The following AKAP13 variants were observed in gnomAD, a reference collection of about 807,000 sequenced individuals.
AKAP13 encodes the protein A-kinase anchor protein 13.
In AKAP13, 80 loss-of-function variants were observed where a neutral mutation model predicts 264.5. The observed-to-expected ratio is 0.30, with a 90% CI of 0.25 to 0.36. The LOEUF is 0.36. Ranked by LOEUF, AKAP13 falls within the 10% of genes least tolerant of loss-of-function variation. The pLI, the probability that AKAP13 is intolerant of heterozygous loss-of-function variation, is 1.00. For missense variants in AKAP13, 3,712 were observed against 3,435.2 expected (o/e 1.08, Z -2.01); for synonymous variants, 1,380 against 1,250.2 (o/e 1.10, Z -2.19).
chr15:85,524,536 TTTTC>T (rs1397734043), intron 3 of AKAP13, among the ~76,000 whole-genome samples: 1 of 152,118 alleles, frequency 6.6e-6, no homozygotes, highest in African/African-American at 2.4e-5. Flanking sequence ...TGGCTCTGAT[TTTTC>T]TTTGAGTTCT....
chr15:85,402,511 G>A (rs540993640), intron 1 of AKAP13, among the ~76,000 whole-genome samples: 12 of 152,116 alleles, frequency 7.9e-5, no homozygotes, highest in Non-Finnish European at 1.8e-4. Flanking sequence ...TGACTGCTAG[G>A]CTGTGCTCTG....
intron 2 of AKAP13, among the ~76,000 whole-genome samples, chr15:85,514,839 A>AG (rs149455823): frequency 0.12 from 13,989 of 113,538 alleles, 2,733 homozygotes; most frequent in Middle Eastern, 0.24. Flanking sequence ...TGAGATTTTG[A>AG]GGGGTTTTTT....
At chr15:85,672,377 A>G (rs2083980166) in intron 14 of AKAP13, among the ~76,000 whole-genome samples, 1 of 152,274 alleles carries the variant, frequency 6.6e-6, no homozygotes. Flanking sequence ...TCTACACTAG[A>G]AACATAATAC....
At chr15:85,650,834 AAAAACTT>A (rs1424887899) in intron 10 of AKAP13, among the ~76,000 whole-genome samples, 1 of 150,614 alleles carries the variant, frequency 6.6e-6, no homozygotes, top group Non-Finnish European at 1.5e-5. Flanking sequence ...TGAAATTATT[AAAAACTT>A]AAAACTGTGA....
chr15:85,728,119 G>A lies in AKAP13; in HGVS notation c.7087+656G>A, dbSNP rs559756430. Among the ~76,000 whole-genome samples, 4 of 152,264 alleles carry A rather than the reference G, an allele frequency of 2.6e-5. No homozygotes were observed. The South Asian group carries it at 8.3e-4, about 32-fold the overall frequency. ...AGCCAGAATTCTATTCCCTGTCTTA[G>A]CAAAGCCTGGTACTCACGTATGTAG... On this transcript the variant is annotated intron_variant, in intron 29 of 36. Coordinates refer to ENST00000394518, the MANE Select transcript of AKAP13 (RefSeq NM_007200.5).
intron 17 of AKAP13, among the ~76,000 whole-genome samples, chr15:85,694,351 A>G (rs2085453095): frequency 6.6e-6 from 1 of 152,256 alleles, no homozygotes; most frequent in Admixed American, 6.5e-5. Flanking sequence ...GATAAAAAGT[A>G]TCTTAGGCAT....
intron 16 of AKAP13, among the ~76,000 whole-genome samples, chr15:85,690,904 A>G (rs1465992397): frequency 6.6e-6 from 1 of 152,234 alleles, no homozygotes; most frequent in East Asian, 1.9e-4. Flanking sequence ...CTTCAGATGT[A>G]AAATGGAGAT....
rs759038626 is a variant in AKAP13 at position 85,543,987 on chromosome 15, CTCA to C, written c.662+35_662+37del. The C allele has an allele frequency of 3.7e-6, 6 of 1,609,614 alleles. No individual in the cohort carries two copies. The African/African-American group carries it at 8.0e-5, about 22-fold the overall frequency. On this transcript the variant is annotated intron_variant, in intron 5 of 36. Coordinates refer to ENST00000394518, the MANE Select transcript of AKAP13 (RefSeq NM_007200.5). ...GCTCCTTCTGCCTTATTTCCCTCCT[CTCA>C]TCCCCAGCCCCACCCCCGATTCATA... is the stretch of plus-strand genomic sequence containing the variant.
chr15:85,452,672 C>T (rs2074134064), intron 1 of AKAP13, among the ~76,000 whole-genome samples: 2 of 152,028 alleles, frequency 1.3e-5, no homozygotes, highest in South Asian at 4.2e-4. Context: ...GGGGTATGAT[C>T]CAGCAGGTGG....
rs760497846 is a variant in AKAP13 at position 85,579,052 on chromosome 15, G to A, written c.984G>A (p.Gln328=). The change falls in exon 7 of 37, where the codon CAG becomes CAA. Residue 328 remains glutamine, a synonymous_variant. Coordinates refer to ENST00000394518, the MANE Select transcript of AKAP13 (RefSeq NM_007200.5). ...LPCAPEPTDP[Q]RLSSSEETES... ...GTGCACCGGAGCCCACGGACCCTCA[G>A]CGACTTTCTTCTTCTGAAGAGACTG... The A allele has an allele frequency of 3.1e-6, 5 of 1,614,030 alleles. No individual in the cohort carries two copies. Among genetic ancestry groups the A allele is most frequent in the Non-Finnish European group, 4.2e-6 (5 of 1,180,036 alleles).
intron 8 of AKAP13, among the ~76,000 whole-genome samples, chr15:85,634,122 A>T (rs2081977656): frequency 6.6e-6 from 1 of 152,180 alleles, no homozygotes; most frequent in Non-Finnish European, 1.5e-5. Context: ...TGTAATAGTA[A>T]AATAGCTGAA....
intron 17 of AKAP13, among the ~76,000 whole-genome samples, chr15:85,701,487 TGGAGTACAGTGGC>T: frequency 6.6e-6 from 1 of 152,318 alleles, no homozygotes; most frequent in East Asian, 1.9e-4. Context: ...TCACCTAGGC[TGGAGTACAGTGGC>T]GCAATCTCGG....
Position 85,581,431 on chromosome 15 carries a change from G to C in AKAP13, c.3363G>C (p.Leu1121Phe). 4 of 1,614,222 alleles carry C rather than the reference G, an allele frequency of 2.5e-6. No homozygotes were observed. In the South Asian group the frequency reaches 3.3e-5, roughly 13 times the overall value. The change falls in exon 7 of 37, where the codon TTG becomes TTC. Residue 1121 changes from leucine to phenylalanine, a missense_variant. Leu to Phe is a conservative substitution (Grantham distance 22). Around this residue, in one of 3 missense-constraint regions of AKAP13, gnomAD observed 2,759 missense variants for 2,411.7 expected, o/e 1.14. Coordinates refer to ENST00000394518, the MANE Select transcript of AKAP13 (RefSeq NM_007200.5). ...NTQDILIPNV[L>F]LSQEKNAVLG... ...AAGACATCCTGATTCCAAACGTCTT[G>C]TTGAGCCAAGAGAAGAATGCCGTTC...
rs1178054755 is a variant in AKAP13, at chr15:85,613,690, AAAT to A, written c.4162-25682_4162-25680del. On this transcript the variant is annotated intron_variant, in intron 8 of 36. Transcript: ENST00000394518. ...AGCCAGACTCCGTCTAAAAAAAAAA[AAAT>A]ATATATATATATATATATATTAGGA... Among the ~76,000 whole-genome samples the A allele has an allele frequency of 3.1e-3, 285 of 92,786 alleles. 7 individuals carry two copies. The South Asian group carries it at 0.039, about 13-fold the overall frequency. The allele number at this position is 92,786 out of a possible 152,430, so 60.9% of individuals were successfully genotyped here.
intron 4 of AKAP13, among the ~76,000 whole-genome samples, chr15:85,541,828 C>G (rs553352545): frequency 1.4e-4 from 22 of 152,322 alleles, no homozygotes; most frequent in African/African-American, 5.1e-4. Flanking sequence ...AAAGGGTCTA[C>G]ACAAAAGCAG....
chr15:85,410,052 A>G (rs892678925), intron 1 of AKAP13, among the ~76,000 whole-genome samples: 2 of 151,722 alleles, frequency 1.3e-5, no homozygotes, highest in African/African-American at 2.4e-5. Context: ...GAGGAGTATG[A>G]TATAATTTTA....
chr15:85,418,356 AC>A (rs2072343817), intron 1 of AKAP13, among the ~76,000 whole-genome samples: 1 of 152,188 alleles, frequency 6.6e-6, no homozygotes, highest in South Asian at 2.1e-4. Context: ...TGCTGGGATT[AC>A]AGGGGTGAGC....
At chr15:85,489,389 T>C (rs1258576630) in intron 2 of AKAP13, among the ~76,000 whole-genome samples, 1 of 152,228 alleles carries the variant, frequency 6.6e-6, no homozygotes, top group Non-Finnish European at 1.5e-5. Context: ...TAATACTTAA[T>C]GGGGCAATAT....
At chr15:85,660,485 T>C in intron 12 of AKAP13, among the ~76,000 whole-genome samples, 1 of 151,618 alleles carries the variant, frequency 6.6e-6, no homozygotes, top group Non-Finnish European at 1.5e-5. Flanking sequence ...TAAAGGAACA[T>C]TTAAATCTGT....
Sources: gnomAD v4.1 joint callset for allele counts (sites outside exome capture counted in the v4.1 genomes callset) on GRCh38, gnomAD v4.1.1 for gene constraint, gnomAD v4.1.1 regional missense constraint, MANE v1.5 for transcripts, NCBI Gene and HGNC (gene_info 2026-07-23, HGNC 2026-07-21) for gene names.